DEPDC1B: variants seen among roughly 807,000 people sequenced by gnomAD.
DEPDC1B encodes DEP domain containing 1B.
DEPDC1B carries 51 observed loss-of-function variants against 66.5 expected under a neutral mutation model. The observed-to-expected ratio is 0.77, with a 90% CI of 0.61 to 0.97. DEPDC1B has a LOEUF of 0.97. Among genes scored for constraint, DEPDC1B ranks in the 50% least tolerant of loss-of-function variants. The pLI is 0.00. For missense variants in DEPDC1B, 552 were observed against 637.1 expected, an observed-to-expected ratio of 0.87 and a Z score of 1.44; for synonymous variants, 226 against 223.6, an observed-to-expected ratio of 1.01 and a Z score of -0.10.
At chr5:60,688,598 G>T (rs752057877) in intron 1 of DEPDC1B, among the ~76,000 whole-genome samples, 1 of 152,196 alleles carries the variant, frequency 6.6e-6, no homozygotes, top group African/African-American at 2.4e-5. Flanking sequence ...CATTGCTGCT[G>T]TATTTATTAA....
At chr5:60,699,213 C>A (rs146103611) in intron 1 of DEPDC1B, among the ~76,000 whole-genome samples, 3 of 152,222 alleles carry the variant, frequency 2.0e-5, no homozygotes, top group East Asian at 1.9e-4. Flanking sequence ...TAGTTCCCAT[C>A]TTTTCCTGTG....
chr5:60,620,374 T>G (rs950309212), intron 7 of DEPDC1B, among the ~76,000 whole-genome samples: 2 of 151,944 alleles, frequency 1.3e-5, no homozygotes, highest in African/African-American at 2.4e-5. Context: ...GGGAGAAAAT[T>G]TTCACAATCT....
intron 1 of DEPDC1B, among the ~76,000 whole-genome samples, chr5:60,691,487 T>C (rs762540916): frequency 6.6e-6 from 1 of 152,340 alleles, no homozygotes; most frequent in Middle Eastern, 3.4e-3. Flanking sequence ...CTTTTGACAC[T>C]GTTGTGAGTC....
At chr5:60,659,133 G>A (rs187378089) in intron 2 of DEPDC1B, among the ~76,000 whole-genome samples, 298 of 152,256 alleles carry the variant, frequency 2.0e-3, no homozygotes, top group African/African-American at 6.9e-3. Context: ...ATGGCCCAAG[G>A]TTCCATTCCT....
At chr5:60,648,441 C>G (rs1296084256) in intron 2 of DEPDC1B, among the ~76,000 whole-genome samples, 1 of 152,200 alleles carries the variant, frequency 6.6e-6, no homozygotes, top group African/African-American at 2.4e-5. Context: ...GGCACTGCAT[C>G]TAGTTATTTT....
intron 1 of DEPDC1B, among the ~76,000 whole-genome samples, chr5:60,688,123 T>C (rs1754464564): frequency 6.6e-6 from 1 of 152,056 alleles, no homozygotes; most frequent in Non-Finnish European, 1.5e-5. Flanking sequence ...GGAAAAGAGA[T>C]GAAAAAGATA....
At chr5:60,603,671 G>T in intron 8 of DEPDC1B, 104 bp from the exon 9 acceptor site, 1 of 1,213,380 alleles carries the variant, frequency 8.2e-7, no homozygotes, top group Non-Finnish European at 1.1e-6. Context: ...CTAAGGCACA[G>T]GGTGCATATT....
intron 7 of DEPDC1B, among the ~76,000 whole-genome samples, chr5:60,619,023 A>T (rs559417313): frequency 6.6e-6 from 1 of 152,328 alleles, no homozygotes; most frequent in Non-Finnish European, 1.5e-5. Context: ...TATAAACAGA[A>T]CCAAAGACAA....
At chr5:60,696,648 T>A (rs1160350206) in intron 1 of DEPDC1B, among the ~76,000 whole-genome samples, 8 of 152,140 alleles carry the variant, frequency 5.3e-5, no homozygotes, top group Non-Finnish European at 1.2e-4. Context: ...TTGAAGAGAA[T>A]CTTTACAACA....
chr5:60,626,943 G>A (rs1752819892), intron 7 of DEPDC1B, among the ~76,000 whole-genome samples: 1 of 152,092 alleles, frequency 6.6e-6, no homozygotes, highest in African/African-American at 2.4e-5. Context: ...TGATCAAAGA[G>A]ATACATGGGA....
chr5:60,698,729 G>T (rs563454802), intron 1 of DEPDC1B, among the ~76,000 whole-genome samples: 1 of 150,190 alleles, frequency 6.7e-6, no homozygotes, highest in Non-Finnish European at 1.5e-5. Flanking sequence ...GCAATGGCGC[G>T]ATCTCAGCTC....
At chr5:60,691,024 C>G (rs577129425) in intron 1 of DEPDC1B, among the ~76,000 whole-genome samples, 1 of 151,440 alleles carries the variant, frequency 6.6e-6, no homozygotes, top group Non-Finnish European at 1.5e-5. Context: ...AGTCAATAAG[C>G]AAGTGCTTAA....
In DEPDC1B at chr5:60,600,029, C is replaced by T. The variant is rs915724651; in HGVS notation, c.1243-769G>A. On this transcript the variant is annotated intron_variant, in intron 9 of 10. Coordinates refer to ENST00000265036, the MANE Select transcript of DEPDC1B (RefSeq NM_018369.3). ...CTTTTAACAAGATCTGAAATTCAAG[C>T]ATAAATTAAACACATTGACTAAAAT... is the stretch of plus-strand genomic sequence containing the variant. Among the ~76,000 whole-genome samples the T allele has an allele frequency of 2.0e-5, 3 of 152,128 alleles. No homozygotes were observed. The East Asian group carries it at 5.8e-4, about 29-fold the overall frequency.
chr5:60,658,525 C>T (rs1412184673), intron 2 of DEPDC1B, among the ~76,000 whole-genome samples: 1 of 152,140 alleles, frequency 6.6e-6, no homozygotes. Flanking sequence ...ATTTCCTAGG[C>T]CGACTAAGAA....
intron 2 of DEPDC1B, among the ~76,000 whole-genome samples, chr5:60,680,763 C>T (rs1225093145): frequency 6.6e-6 from 1 of 152,198 alleles, no homozygotes. Flanking sequence ...TAATGCATTG[C>T]AAGAACTTTG....
chr5:60,645,590 A>T lies in DEPDC1B; in HGVS notation c.480T>A (p.Ser160Arg), dbSNP rs774706594. ...MNSEMWYKRH[S>R]IAIGEVPACR... Reference sequence around the variant, plus strand: ...AAGCTGGCACCTCTCCAATTGCAATACTGTGACGCTTGTACCACATCTCAG... The same window carrying T: ...AAGCTGGCACCTCTCCAATTGCAATTCTGTGACGCTTGTACCACATCTCAG... Residue 160 changes from serine to arginine, a missense_variant, in exon 4 of 11, where the codon AGT becomes AGA. Physicochemically the swap from Ser to Arg is moderately radical, Grantham distance 110. Coordinates refer to ENST00000265036, the MANE Select transcript of DEPDC1B (RefSeq NM_018369.3). 1.2e-6 allele frequency: 2 copies of T among 1,612,820 alleles called. No homozygotes were observed. Among genetic ancestry groups the T allele is most frequent in the Admixed American group, 3.3e-5 (2 of 59,826 alleles).
intron 2 of DEPDC1B, among the ~76,000 whole-genome samples, chr5:60,660,247 G>T (rs544744313): frequency 6.7e-6 from 1 of 148,700 alleles, no homozygotes; most frequent in East Asian, 2.0e-4. Flanking sequence ...ACAGAGAGGA[G>T]AGACAGAGAG....
intron 8 of DEPDC1B, among the ~76,000 whole-genome samples, chr5:60,604,339 G>A (rs1029362366): frequency 2.8e-5 from 4 of 144,812 alleles, no homozygotes; most frequent in Non-Finnish European, 6.0e-5. Flanking sequence ...TCCTGCCCCA[G>A]CCTCCCGAGT....
intron 7 of DEPDC1B, among the ~76,000 whole-genome samples, chr5:60,637,153 G>A (rs1753061880): frequency 6.6e-6 from 1 of 152,166 alleles, no homozygotes; most frequent in South Asian, 2.1e-4. Context: ...GCAGTAAGTG[G>A]CTGGTATGGT....
Sources: gnomAD v4.1 joint callset for allele counts (sites outside exome capture counted in the v4.1 genomes callset) on GRCh38, gnomAD v4.1.1 for gene constraint, MANE v1.5 for transcripts, NCBI Gene and HGNC (gene_info 2026-07-23, HGNC 2026-07-21) for gene names.